The following ANXA8 variants were observed in gnomAD, a reference collection of about 807,000 sequenced individuals.
The protein encoded by ANXA8 is annexin A8, also known as VAC-beta.
ANXA8 carries 9 observed loss-of-function variants against 26.8 expected under a neutral mutation model. That is an observed-to-expected ratio of 0.34 (90% CI 0.20 to 0.59). ANXA8 has a LOEUF of 0.59. ANXA8 is among the 20% of genes least tolerant of loss of function. The pLI is 0.84. For synonymous variants in ANXA8, 39 were observed against 94.8 expected (o/e 0.41, Z 3.42); for missense variants, 83 against 238.5 (o/e 0.35, Z 4.29).
the ANXA8 span, among the ~76,000 whole-genome samples, chr10:47,556,683 A>C: frequency 6.6e-6 from 1 of 151,888 alleles, no homozygotes; most frequent in South Asian, 2.1e-4. Flanking sequence ...TGGGGTCACA[A>C]GTGGTAGTCA....
chr10:47,775,947 C>T, the ANXA8 span, among the ~76,000 whole-genome samples: 1 of 150,878 alleles, frequency 6.6e-6, no homozygotes, highest in African/African-American at 2.4e-5. Context: ...AGGGCAGGAG[C>T]AAGACAGCCA....
chr10:47,583,770 G>A, the ANXA8 span, among the ~76,000 whole-genome samples: 1 of 145,494 alleles, frequency 6.9e-6, no homozygotes, highest in Non-Finnish European at 1.5e-5. Flanking sequence ...CTCCTGCAGG[G>A]CAGAGAGCCA....
the ANXA8 span, among the ~76,000 whole-genome samples, chr10:47,522,088 A>G: frequency 6.7e-6 from 1 of 149,848 alleles, no homozygotes; most frequent in Non-Finnish European, 1.5e-5. Flanking sequence ...AGCCCAGCCA[A>G]AACTGTAACT....
chr10:47,733,179 T>TTCTTTCTCTCTCTC, the ANXA8 span, among the ~76,000 whole-genome samples: 2 of 87,584 alleles, frequency 2.3e-5, no homozygotes, highest in African/African-American at 6.4e-5. Flanking sequence ...CTTTCTTTCT[T>TTCTTTCTCTCTCTC]TCTTTCTTTC....
the ANXA8 span, among the ~76,000 whole-genome samples, chr10:47,736,600 TA>T: frequency 6.6e-6 from 1 of 150,938 alleles, no homozygotes; most frequent in Non-Finnish European, 1.5e-5. Context: ...TTGTTAGGTT[TA>T]AAAAAGGTTA....
chr10:47,593,585 T>C, the ANXA8 span, among the ~76,000 whole-genome samples: 5 of 149,684 alleles, frequency 3.3e-5, 1 homozygote, highest in African/African-American at 1.3e-4. Flanking sequence ...TAAAAATACA[T>C]TGCTAAAACA....
the ANXA8 span, among the ~76,000 whole-genome samples, chr10:47,660,532 C>G: frequency 2.0e-5 from 3 of 151,704 alleles, no homozygotes; most frequent in African/African-American, 7.3e-5. Context: ...TCCCAAGGAG[C>G]TGGGATCACA....
the ANXA8 span, among the ~76,000 whole-genome samples, chr10:47,562,000 A>C: frequency 6.6e-6 from 1 of 151,348 alleles, no homozygotes; most frequent in Non-Finnish European, 1.5e-5. Context: ...GTGCTAGAAA[A>C]ATTACCTGTA....
At chr10:47,645,757 A>T in the ANXA8 span, among the ~76,000 whole-genome samples, 7 of 149,952 alleles carry the variant, frequency 4.7e-5, no homozygotes, top group African/African-American at 1.8e-4. Flanking sequence ...AGTGAAGAGG[A>T]TCATCCTCAC....
chr10:47,693,518 C>T, the ANXA8 span, among the ~76,000 whole-genome samples: 812 of 151,234 alleles, frequency 5.4e-3, 16 homozygotes, highest in African/African-American at 0.019. Context: ...TCTCGATATC[C>T]TCACCTCGTG....
At chr10:47,624,183 A>C in the ANXA8 span, among the ~76,000 whole-genome samples, 1 of 94,038 alleles carries the variant, frequency 1.1e-5, no homozygotes, top group Non-Finnish European at 2.2e-5. Context: ...CAGAGCTTGC[A>C]GTGAGCCGAG....
At chr10:47,701,648 G>T in the ANXA8 span, among the ~76,000 whole-genome samples, 3 of 151,650 alleles carry the variant, frequency 2.0e-5, no homozygotes, top group Non-Finnish European at 2.9e-5. Context: ...AGGATTGGAG[G>T]AATAAGAAAA....
the ANXA8 span, among the ~76,000 whole-genome samples, chr10:47,622,151 C>T: frequency 1.8e-5 from 2 of 112,744 alleles, 1 homozygote; most frequent in Non-Finnish European, 3.9e-5. Flanking sequence ...AGATTGTACA[C>T]TACATGATTC....
the ANXA8 span, chr10:47,565,108 C>G: frequency 1.3e-6 from 1 of 754,352 alleles, no homozygotes; most frequent in African/African-American, 1.7e-5. Context: ...GCCCGTCCAT[C>G]TCGCCCAACT....
chr10:47,488,932 GT>G (rs1840096482), upstream of ANXA8, among the ~76,000 whole-genome samples: 1 of 146,942 alleles, frequency 6.8e-6, no homozygotes, highest in African/African-American at 2.5e-5. Flanking sequence ...TTTCACCGTG[GT>G]CTGGATCTCC....
At chr10:47,502,228 T>C in the ANXA8 span, 3 of 1,577,386 alleles carry the variant, frequency 1.9e-6, no homozygotes, top group African/African-American at 1.4e-5. Flanking sequence ...CACATTCCCC[T>C]TGCGGCAGGC....
the ANXA8 span, among the ~76,000 whole-genome samples, chr10:47,907,228 G>A: frequency 6.6e-6 from 1 of 151,970 alleles, no homozygotes; most frequent in Non-Finnish European, 1.5e-5. Context: ...GTGGTGGCGG[G>A]TGCTTGTAGT....
chr10:47,715,886 T>C, the ANXA8 span: 1 of 736,626 alleles, frequency 1.4e-6, no homozygotes, highest in African/African-American at 1.9e-5. Flanking sequence ...TAAATTCTGC[T>C]ATTTTTATTT....
chr10:47,776,111 G>C, the ANXA8 span, among the ~76,000 whole-genome samples: 7 of 152,172 alleles, frequency 4.6e-5, no homozygotes, highest in East Asian at 1.4e-3. Flanking sequence ...GGAGGAAACC[G>C]GTCTGGGAAG....
Sources: allele counts gnomAD v4.1 joint callset (sites outside exome capture counted in the v4.1 genomes callset), GRCh38; gene constraint gnomAD v4.1.1; transcripts MANE v1.5; gene names NCBI Gene and HGNC (gene_info 2026-07-23, HGNC 2026-07-21).